Variants in SGCZ observed in about 807,000 individuals in gnomAD.
The protein encoded by SGCZ is zeta-sarcoglycan.
A neutral mutation model predicts 41.3 loss-of-function variants in SGCZ; 40 were observed. The ratio of observed to expected loss-of-function variants is 0.97; its 90% CI spans 0.75 to 1.26. SGCZ has a LOEUF of 1.26. Ranked by LOEUF, SGCZ falls within the 50% of genes most tolerant of loss-of-function variation. The pLI, the probability that SGCZ is intolerant of heterozygous loss-of-function variation, is 0.00. For synonymous variants in SGCZ, 206 were observed against 137.5 expected, an observed-to-expected ratio of 1.50 and a Z score of -3.49; for missense variants, 552 against 369.8, an observed-to-expected ratio of 1.49 and a Z score of -4.04.
At chr8:14,233,080 G>A (rs569617945) in intron 4 of SGCZ, among the ~76,000 whole-genome samples, 262 of 151,952 alleles carry the variant, frequency 1.7e-3, no homozygotes, top group African/African-American at 6.0e-3. Flanking sequence ...CTAACAAAAC[G>A]AACAAATAAA....
chr8:14,482,779 T>C (rs1171594230), intron 2 of SGCZ, among the ~76,000 whole-genome samples: 2 of 151,902 alleles, frequency 1.3e-5, no homozygotes, highest in African/African-American at 4.8e-5. Context: ...TCTCTCTGCT[T>C]GACTGCACGA....
At chr8:14,961,733 A>T (rs1044314372) in intron 1 of SGCZ, among the ~76,000 whole-genome samples, 2 of 152,148 alleles carry the variant, frequency 1.3e-5, no homozygotes, top group African/African-American at 4.8e-5. Flanking sequence ...ATGACTTCAC[A>T]AGAAGAGAAA....
intron 1 of SGCZ, among the ~76,000 whole-genome samples, chr8:14,658,192 G>T (rs1046518995): frequency 3.9e-5 from 6 of 152,120 alleles, no homozygotes; most frequent in African/African-American, 1.4e-4. Flanking sequence ...AAACCCTGGA[G>T]TCATCCTTGC....
chr8:14,150,852 A>G (rs1477461359), intron 5 of SGCZ, among the ~76,000 whole-genome samples: 1 of 152,186 alleles, frequency 6.6e-6, no homozygotes, highest in African/African-American at 2.4e-5. Flanking sequence ...ATAAAAAAGA[A>G]TGAAATCCAG....
intron 3 of SGCZ, among the ~76,000 whole-genome samples, chr8:14,317,888 ATTAAGT>A (rs1397317218): frequency 6.6e-6 from 1 of 152,038 alleles, no homozygotes; most frequent in Non-Finnish European, 1.5e-5. Flanking sequence ...ACAACGGATT[ATTAAGT>A]TTATTTTGAA....
intron 1 of SGCZ, among the ~76,000 whole-genome samples, chr8:15,114,244 T>C (rs1403493601): frequency 6.6e-6 from 1 of 152,238 alleles, no homozygotes; most frequent in Admixed American, 6.5e-5. Flanking sequence ...GAGAGAACCC[T>C]GTCCTGGATG....
At chr8:14,586,239 A>G (rs962996603) in intron 1 of SGCZ, among the ~76,000 whole-genome samples, 1 of 152,076 alleles carries the variant, frequency 6.6e-6, no homozygotes, top group East Asian at 1.9e-4. Context: ...TTTCCCTCAG[A>G]GTCTCACTCT....
chr8:14,513,840 G>C (rs75846721), intron 2 of SGCZ, among the ~76,000 whole-genome samples: 4,868 of 152,120 alleles, frequency 0.032, 198 homozygotes, highest in African/African-American at 0.091. Flanking sequence ...AATGTCAATG[G>C]CCTAAAAGAC....
intron 1 of SGCZ, among the ~76,000 whole-genome samples, chr8:14,853,698 A>G (rs1803432965): frequency 6.6e-6 from 1 of 152,204 alleles, no homozygotes; most frequent in African/African-American, 2.4e-5. Flanking sequence ...AATTAGTATT[A>G]CATGGGTACC....
intron 2 of SGCZ, among the ~76,000 whole-genome samples, chr8:14,433,371 T>G (rs146517351): frequency 5.4e-4 from 83 of 152,322 alleles, no homozygotes; most frequent in African/African-American, 1.9e-3. Flanking sequence ...ATACTTTGCC[T>G]TTCAGTAGGA....
At chr8:14,773,720 T>C (rs1800316067) in intron 1 of SGCZ, among the ~76,000 whole-genome samples, 1 of 152,168 alleles carries the variant, frequency 6.6e-6, no homozygotes, top group Admixed American at 6.5e-5. Context: ...CAGAGCTGTC[T>C]GGCTGATATG....
intron 1 of SGCZ, among the ~76,000 whole-genome samples, chr8:15,115,633 T>C (rs1012815488): frequency 3.9e-5 from 6 of 152,210 alleles, no homozygotes; most frequent in African/African-American, 1.4e-4. Context: ...GCAACGGTTA[T>C]CACTAGGTGA....
At chr8:14,841,995 T>G (rs759469251) in intron 1 of SGCZ, among the ~76,000 whole-genome samples, 1 of 152,196 alleles carries the variant, frequency 6.6e-6, no homozygotes, top group Non-Finnish European at 1.5e-5. Flanking sequence ...GGTATAAGTA[T>G]GTGTGGACTT....
chr8:14,345,635 C>A (rs1802868302), intron 2 of SGCZ, among the ~76,000 whole-genome samples: 1 of 152,074 alleles, frequency 6.6e-6, no homozygotes, highest in African/African-American at 2.4e-5. Context: ...AAACTTATTT[C>A]CCAGCTTTCC....
At chr8:14,610,424 T>A (rs1393519228) in intron 1 of SGCZ, among the ~76,000 whole-genome samples, 1 of 152,196 alleles carries the variant, frequency 6.6e-6, no homozygotes, top group Non-Finnish European at 1.5e-5. Flanking sequence ...CTTCCACATA[T>A]AACTTACATT....
chr8:14,915,072 A>G (rs1585375055), intron 1 of SGCZ, among the ~76,000 whole-genome samples: 1 of 152,182 alleles, frequency 6.6e-6, no homozygotes, highest in South Asian at 2.1e-4. Context: ...AAGCTCTTTC[A>G]TAACTCTCAT....
At chr8:14,967,705 A>G (rs891593147) in intron 1 of SGCZ, among the ~76,000 whole-genome samples, 1 of 152,190 alleles carries the variant, frequency 6.6e-6, no homozygotes, top group African/African-American at 2.4e-5. Context: ...TAATTGAAGT[A>G]TATAAGCCCC....
rs564035025 is a variant in SGCZ at position 14,908,001 on chromosome 8, G to T, written c.39+329584C>A. On this transcript the variant is annotated intron_variant, in intron 1 of 7. Transcript: ENST00000382080. ...AAAATTACATATTAGGTTGAATCAT[G>T]TGAAATTGGTATGCTTTTTCTTTTC... Among the ~76,000 whole-genome samples, 59 of 152,292 alleles carry T rather than the reference G, an allele frequency of 3.9e-4. 1 individual carries two copies. The South Asian group carries it at 6.2e-3, about 16-fold the overall frequency.
At position 14,359,315 on chromosome 8, in the gene SGCZ, C is replaced by T. The variant is rs115739416; in HGVS notation, c.235-35111G>A. 5.9e-3 allele frequency among the ~76,000 whole-genome samples: 893 copies of T among 152,224 alleles called. 14 individuals are homozygous for T. The highest frequency in any genetic ancestry group is 0.021 in the African/African-American group (863 of 41,546). On this transcript the variant is annotated intron_variant, in intron 2 of 7. Coordinates refer to ENST00000382080, the MANE Select transcript of SGCZ (RefSeq NM_139167.4). ...CAACACCCTGTGTTCACATTGAGTA[C>T]ACTATCCAGACAGAAAATCAACAAA...
Sources: gnomAD v4.1 joint callset for allele counts (sites outside exome capture counted in the v4.1 genomes callset) on GRCh38, gnomAD v4.1.1 for gene constraint, MANE v1.5 for transcripts, NCBI Gene and HGNC (gene_info 2026-07-23, HGNC 2026-07-21) for gene names.